JAKMIP2: variants seen among roughly 807,000 people sequenced by gnomAD.
The protein encoded by JAKMIP2 is janus kinase and microtubule-interacting protein 2.
In JAKMIP2, 25 loss-of-function variants were observed where a neutral mutation model predicts 115.0. The ratio of observed to expected loss-of-function variants is 0.22; its 90% confidence interval spans 0.16 to 0.30. The LOEUF (loss-of-function observed/expected upper bound fraction) is 0.30, where lower values mean the gene tolerates loss of function less well. JAKMIP2 is among the 10% of genes least tolerant of loss of function. The pLI, the probability that JAKMIP2 is intolerant of heterozygous loss-of-function variation, is 1.00. For synonymous variants in JAKMIP2, 334 were observed against 343.6 expected, an observed-to-expected ratio of 0.97 and a Z score of 0.31; for missense variants, 642 against 957.6, an observed-to-expected ratio of 0.67 and a Z score of 4.35.
chr5:147,770,809 T>C (rs1009473452), intron 1 of JAKMIP2, among the ~76,000 whole-genome samples: 7 of 152,156 alleles, frequency 4.6e-5, no homozygotes, highest in African/African-American at 7.2e-5. Context: ...GATAATTTTC[T>C]TTTTAAAAAT....
intron 1 of JAKMIP2, among the ~76,000 whole-genome samples, chr5:147,773,876 A>T (rs1438099125): frequency 6.6e-6 from 1 of 152,128 alleles, no homozygotes; most frequent in African/African-American, 2.4e-5. Flanking sequence ...CTAAGAAGAG[A>T]GCAAGACAGG....
intron 12 of JAKMIP2, among the ~76,000 whole-genome samples, chr5:147,633,767 G>A (rs1757478185): frequency 6.8e-6 from 1 of 146,908 alleles, no homozygotes; most frequent in Non-Finnish European, 1.5e-5. Context: ...TCAGTTCACT[G>A]CAACCTCTGT....
chr5:147,642,144 A>G (rs1166842293), intron 7 of JAKMIP2, among the ~76,000 whole-genome samples: 6 of 152,196 alleles, frequency 3.9e-5, no homozygotes, highest in Non-Finnish European at 7.3e-5. Context: ...CAATTTCACA[A>G]TAAAGTAAAA....
At chr5:147,710,017 T>C (rs965929766) in intron 1 of JAKMIP2, among the ~76,000 whole-genome samples, 2 of 152,244 alleles carry the variant, frequency 1.3e-5, no homozygotes, top group African/African-American at 4.8e-5. Context: ...GATGTTCTAC[T>C]TGTCTTTGAA....
intron 1 of JAKMIP2, among the ~76,000 whole-genome samples, chr5:147,762,780 G>A (rs74458292): frequency 3.5e-3 from 530 of 152,046 alleles, no homozygotes; most frequent in African/African-American, 0.012. Flanking sequence ...ATTTCTGTTG[G>A]TATAGATCAT....
intron 8 of JAKMIP2, among the ~76,000 whole-genome samples, chr5:147,641,430 G>T (rs1256654291): frequency 6.6e-6 from 1 of 152,162 alleles, no homozygotes. Flanking sequence ...TCTCCAACTT[G>T]TCAGGTAATC....
intron 16 of JAKMIP2, among the ~76,000 whole-genome samples, chr5:147,623,897 C>T (rs893628082): frequency 1.3e-5 from 2 of 152,204 alleles, no homozygotes; most frequent in African/African-American, 2.4e-5. Flanking sequence ...AGTGCAGTGA[C>T]GTTATCTCGG....
At chr5:147,701,514 G>A (rs918123415) in intron 1 of JAKMIP2, among the ~76,000 whole-genome samples, 21 of 152,156 alleles carry the variant, frequency 1.4e-4, no homozygotes, top group Admixed American at 2.0e-4. Flanking sequence ...AGGTCACAAA[G>A]GCTTGACCCT....
At chr5:147,743,642 C>T (rs1034230804) in intron 1 of JAKMIP2, among the ~76,000 whole-genome samples, 4 of 152,138 alleles carry the variant, frequency 2.6e-5, no homozygotes, top group African/African-American at 7.2e-5. Context: ...TTTGTGAATG[C>T]TCCACAGTAG....
chr5:147,748,717 C>T (rs898176037), intron 1 of JAKMIP2, among the ~76,000 whole-genome samples: 2 of 152,122 alleles, frequency 1.3e-5, no homozygotes, highest in African/African-American at 4.8e-5. Context: ...AAAATAAAAG[C>T]TTAGGGTGGG....
At chr5:147,616,126 G>C (rs77731318) in intron 19 of JAKMIP2, among the ~76,000 whole-genome samples, 76 of 152,004 alleles carry the variant, frequency 5.0e-4, no homozygotes, top group Non-Finnish European at 9.6e-4. Flanking sequence ...GGATAAGAAC[G>C]CATCAGTTCA....
intron 2 of JAKMIP2, among the ~76,000 whole-genome samples, chr5:147,667,448 C>T (rs6885470): frequency 0.37 from 56,102 of 152,022 alleles, 11,189 homozygotes; most frequent in East Asian, 0.63. Context: ...ATTTGAGCTT[C>T]AAAAGTGATC....
intron 1 of JAKMIP2, among the ~76,000 whole-genome samples, chr5:147,676,216 G>A (rs1157198065): frequency 6.6e-6 from 1 of 152,174 alleles, no homozygotes; most frequent in Non-Finnish European, 1.5e-5. Flanking sequence ...GGCGCCTGTA[G>A]TCCCAGCTGC....
At chr5:147,681,889 A>C (rs1435212034) in intron 1 of JAKMIP2, among the ~76,000 whole-genome samples, 1 of 152,044 alleles carries the variant, frequency 6.6e-6, no homozygotes, top group Non-Finnish European at 1.5e-5. Flanking sequence ...AAAAAATACA[A>C]AAAATTAGCC....
intron 1 of JAKMIP2, among the ~76,000 whole-genome samples, chr5:147,718,743 T>TC (rs1162312423): frequency 6.6e-6 from 1 of 152,208 alleles, no homozygotes; most frequent in African/African-American, 2.4e-5. Context: ...TCTCTTTTTT[T>TC]CTTTATTAGT....
chr5:147,770,547 G>A (rs1488081052), intron 1 of JAKMIP2, among the ~76,000 whole-genome samples: 6 of 151,770 alleles, frequency 4.0e-5, no homozygotes, highest in Admixed American at 2.6e-4. Context: ...AAAAAGCCTC[G>A]AGTTGCGTGA....
intron 7 of JAKMIP2, among the ~76,000 whole-genome samples, chr5:147,643,109 T>G (rs1757960474): frequency 6.6e-6 from 1 of 152,134 alleles, no homozygotes; most frequent in Non-Finnish European, 1.5e-5. Context: ...CCAATACTCC[T>G]TAATAAACTC....
intron 1 of JAKMIP2, among the ~76,000 whole-genome samples, chr5:147,700,168 G>A (rs571032363): frequency 6.6e-6 from 1 of 151,700 alleles, no homozygotes; most frequent in Non-Finnish European, 1.5e-5. Context: ...GACCATTAGA[G>A]ATTCAAATAT....
chr5:147,720,295 T>C (rs964725765), intron 1 of JAKMIP2, among the ~76,000 whole-genome samples: 1 of 151,616 alleles, frequency 6.6e-6, no homozygotes, highest in African/African-American at 2.4e-5. Context: ...TTTCCTTCAT[T>C]TCAACTTTGG....
Sources: gnomAD v4.1 joint callset for allele counts (sites outside exome capture counted in the v4.1 genomes callset) on GRCh38, gnomAD v4.1.1 for gene constraint, MANE v1.5 for transcripts, NCBI Gene and HGNC (gene_info 2026-07-23, HGNC 2026-07-21) for gene names.